Variants in DCLK2 observed in about 807,000 individuals in gnomAD.
The protein encoded by DCLK2 is serine/threonine-protein kinase DCLK2.
In DCLK2, 31 loss-of-function variants were observed where a neutral mutation model predicts 78.4. That is an observed-to-expected ratio of 0.40 (90% CI 0.30 to 0.53). DCLK2 has a LOEUF of 0.53. Among genes scored for constraint, DCLK2 ranks in the 20% least tolerant of loss-of-function variants. The probability of loss-of-function intolerance (pLI) is 0.61; values close to 1 mark genes in which losing one functional copy is unlikely to be tolerated. For missense variants in DCLK2, 872 were observed against 973.7 expected (o/e 0.90, Z 1.39); for synonymous variants, 407 against 374.9 (o/e 1.09, Z -0.99).
At chr4:150,236,400 A>G (rs1032258211) in intron 10 of DCLK2, among the ~76,000 whole-genome samples, 1 of 152,226 alleles carries the variant, frequency 6.6e-6, no homozygotes, top group Non-Finnish European at 1.5e-5. Flanking sequence ...TATGACTAGT[A>G]ACCTGAGTGC....
intron 7 of DCLK2, among the ~76,000 whole-genome samples, 154 bp from the exon 8 acceptor site, chr4:150,224,347 C>G (rs1179456958): frequency 6.7e-6 from 1 of 149,448 alleles, no homozygotes; most frequent in African/African-American, 2.5e-5. Flanking sequence ...ACAGGAGGAT[C>G]AGTTGAGCCC....
intron 15 of DCLK2, among the ~76,000 whole-genome samples, chr4:150,250,005 G>A (rs1483716214): frequency 6.6e-6 from 1 of 152,088 alleles, no homozygotes; most frequent in Non-Finnish European, 1.5e-5. Context: ...CTGGAGGGGT[G>A]TGTTGTGTTA....
At chr4:150,248,243 A>G (rs1015678787) in intron 13 of DCLK2, 62 bp from the exon 14 acceptor site, 1 of 1,450,214 alleles carries the variant, frequency 6.9e-7, no homozygotes, top group African/African-American at 1.4e-5. Context: ...AGATTTCTGT[A>G]TTTATGCTGG....
intron 8 of DCLK2, among the ~76,000 whole-genome samples, chr4:150,229,544 A>G (rs1741883275): frequency 6.6e-6 from 1 of 152,116 alleles, no homozygotes; most frequent in African/African-American, 2.4e-5. Flanking sequence ...AATAAGATGG[A>G]GAACACAGAG....
Position 150,221,670 on chromosome 4 carries a change from T to C in DCLK2, c.1133-7T>C, listed in dbSNP as rs369416111. 38 of 1,576,656 alleles carry C rather than the reference T, an allele frequency of 2.4e-5. No individual in the cohort carries two copies. The highest frequency in any genetic ancestry group is 2.7e-5 in the Non-Finnish European group (31 of 1,163,238). ...TTCTTTAGAATTTGCATTTATCCTTTTTGCAGGTGTGAATGGAAACAGATG... is the reference window on the plus strand; with the variant it reads ...TTCTTTAGAATTTGCATTTATCCTTCTTGCAGGTGTGAATGGAAACAGATG... On this transcript the variant is annotated splice_polypyrimidine_tract_variant and splice_region_variant and intron_variant, in intron 6 of 15. Coordinates refer to ENST00000296550, the MANE Select transcript of DCLK2 (RefSeq NM_001040260.4).
chr4:150,160,962 A>G (rs1281016200), intron 2 of DCLK2, among the ~76,000 whole-genome samples: 1 of 152,208 alleles, frequency 6.6e-6, no homozygotes, highest in Non-Finnish European at 1.5e-5. Flanking sequence ...TGTTTTTTCA[A>G]TTAATAATAT....
chr4:150,149,388 G>T (rs1409660983), intron 2 of DCLK2, among the ~76,000 whole-genome samples: 2 of 152,120 alleles, frequency 1.3e-5, no homozygotes, highest in Non-Finnish European at 2.9e-5. Flanking sequence ...ACTGACTCTT[G>T]GTATATATTA....
chr4:150,223,117 A>T (rs112749007), intron 7 of DCLK2, among the ~76,000 whole-genome samples: 6 of 152,298 alleles, frequency 3.9e-5, no homozygotes, highest in African/African-American at 1.4e-4. Flanking sequence ...ATTGGTACAC[A>T]AGATAATGCC....
chr4:150,133,346 GA>G (rs1553959103), intron 2 of DCLK2, among the ~76,000 whole-genome samples: 1 of 152,164 alleles, frequency 6.6e-6, no homozygotes, highest in Non-Finnish European at 1.5e-5. Context: ...GAATGACCAC[GA>G]AAGTACCACA....
chr4:150,081,702 T>A (rs1053789081), intron 1 of DCLK2, among the ~76,000 whole-genome samples: 10 of 151,742 alleles, frequency 6.6e-5, no homozygotes, highest in Non-Finnish European at 1.0e-4. Flanking sequence ...ATTTTTTTTT[T>A]AAAGAAAATA....
intron 2 of DCLK2, among the ~76,000 whole-genome samples, chr4:150,163,205 C>T (rs2150246936): frequency 6.6e-6 from 1 of 152,172 alleles, no homozygotes; most frequent in South Asian, 2.1e-4. Context: ...TGAGACCAGC[C>T]TGGCCAACAT....
chr4:150,232,367 C>G lies in DCLK2; in HGVS notation c.1330C>G (p.Leu444Val). The change falls in exon 9 of 16, where the codon CTG becomes GTG. Residue 444 changes from leucine (L) to valine (V), a missense_variant. Physicochemically the swap from Leu to Val is conservative, Grantham distance 32 (BLOSUM62 1). This residue lies in a region of DCLK2 where 567 missense variants were observed against 593.4 expected (regional missense o/e 0.96). Coordinates refer to ENST00000296550, the MANE Select transcript of DCLK2 (RefSeq NM_001040260.4). ...CCTGATTGAGAATGAAGTGTCAATA[C>G]TGCGCCGAGTGAAACATCCCAATAT... Reference protein sequence around the residue: ...EHLIENEVSILRRVKHPNIIM... With the variant: ...EHLIENEVSIVRRVKHPNIIM... The G allele has an allele frequency of 6.2e-7, 1 of 1,614,116 alleles. No individual in the cohort carries two copies. The highest frequency in any genetic ancestry group is 8.5e-7 in the Non-Finnish European group (1 of 1,179,986).
At chr4:150,234,561 C>T (rs2126579042) in intron 10 of DCLK2, among the ~76,000 whole-genome samples, 1 of 152,290 alleles carries the variant, frequency 6.6e-6, no homozygotes, top group East Asian at 1.9e-4. Context: ...TGAAGCCATC[C>T]TGGGGACTTT....
intron 4 of DCLK2, among the ~76,000 whole-genome samples, chr4:150,199,292 G>A (rs183968692): frequency 6.6e-6 from 1 of 152,290 alleles, no homozygotes; most frequent in Admixed American, 6.5e-5. Flanking sequence ...CCAAGTGCCT[G>A]TCTGTATAGT....
rs554274264 is a variant in DCLK2, at chr4:150,168,301, C to T, written c.757-24837C>T. On this transcript the variant is annotated intron_variant, in intron 2 of 15. Transcript: ENST00000296550. ...GGCAGAGCTTGCAGTGAGCCGAGAT[C>T]GTGTCACTGCATTCCAGCCTGGGTG... is the stretch of plus-strand genomic sequence containing the variant. Among the ~76,000 whole-genome samples, 8 of 150,718 alleles carry T rather than the reference C, an allele frequency of 5.3e-5. No individual in the cohort carries two copies. In the South Asian group the frequency reaches 1.1e-3, roughly 20 times the overall value.
In DCLK2 at chr4:150,078,748, G is replaced by A; in HGVS notation, c.-280G>A. 3.4e-6 allele frequency: 1 copy of A among 296,830 alleles called. No individual in the cohort carries two copies. The highest frequency in any genetic ancestry group is 1.5e-4 in the South Asian group (1 of 6,618). The allele number at this position is 296,830 out of a possible 1,614,324, so 18.4% of individuals were successfully genotyped here. On this transcript the variant is annotated 5_prime_UTR_variant, in exon 1 of 16. Coordinates refer to ENST00000296550, the MANE Select transcript of DCLK2 (RefSeq NM_001040260.4). ...TGAGGCGTGGCCGGGTGGAGGAGGC[G>A]CTTGCGGGGGCGTGGGGCTCCCCGG...
At chr4:150,202,589 C>T (rs1403600178) in intron 4 of DCLK2, among the ~76,000 whole-genome samples, 1 of 151,848 alleles carries the variant, frequency 6.6e-6, no homozygotes, top group Non-Finnish European at 1.5e-5. Context: ...TTTTTGAGTC[C>T]CCTATTCAGG....
chr4:150,123,136 C>G (rs1477899872), intron 2 of DCLK2, among the ~76,000 whole-genome samples: 1 of 152,208 alleles, frequency 6.6e-6, no homozygotes, highest in Non-Finnish European at 1.5e-5. Flanking sequence ...TTTCCAAGAG[C>G]TTTTCTTTTG....
chr4:150,248,411 G>A, intron 14 of DCLK2, 26 bp downstream of exon 14: 2 of 1,591,754 alleles, frequency 1.3e-6, no homozygotes, highest in Non-Finnish European at 1.7e-6. Flanking sequence ...CCCAGGGAAT[G>A]GGCCTCACTG....
Sources: gnomAD v4.1 joint callset for allele counts (sites outside exome capture counted in the v4.1 genomes callset) on GRCh38, gnomAD v4.1.1 for gene constraint, gnomAD v4.1.1 regional missense constraint, MANE v1.5 for transcripts, NCBI Gene and HGNC (gene_info 2026-07-23, HGNC 2026-07-21) for gene names.